KIF13A: variants seen among roughly 807,000 people sequenced by gnomAD.
KIF13A encodes kinesin-like protein KIF13A.
Under a neutral mutation model 212.2 loss-of-function variants are expected in KIF13A, and 79 were observed. The observed-to-expected ratio is 0.37, with a 90% CI of 0.31 to 0.45. The LOEUF is 0.45. Among genes scored for constraint, KIF13A ranks in the 20% least tolerant of loss-of-function variants. The probability of loss-of-function intolerance (pLI) is 1.00; values close to 1 mark genes in which losing one functional copy is unlikely to be tolerated. For missense variants in KIF13A, 1,901 were observed against 2,209.0 expected (o/e 0.86, Z 2.79); for synonymous variants, 789 against 808.6 (o/e 0.98, Z 0.41).
At chr6:17,818,520 C>T (rs2150356407) in intron 16 of KIF13A, among the ~76,000 whole-genome samples, 1 of 152,204 alleles carries the variant, frequency 6.6e-6, no homozygotes. Flanking sequence ...TTTAAAATCA[C>T]AAGAAAAGCT....
Position 17,926,796 on chromosome 6 carries a change from A to G in KIF13A, c.147-28616T>C, listed in dbSNP as rs1775536214. ...TACTATCTGAAAGTAGTTCCTTAAA[A>G]TGTAATCAGAATCCAACAATTCCAC... On this transcript the variant is annotated intron_variant, in intron 2 of 38. Coordinates refer to ENST00000259711, the MANE Select transcript of KIF13A (RefSeq NM_022113.6). This position sits in a 1 kb window ranked among gnomAD's most constrained non-coding sequence, Gnocchi z 4.3. Among the ~76,000 whole-genome samples, 1 of 152,218 alleles carries G rather than the reference A, an allele frequency of 6.6e-6. No homozygotes were observed. The highest frequency in any genetic ancestry group is 2.4e-5 in the African/African-American group (1 of 41,450).
chr6:17,781,915 C>A (rs1760623487), intron 29 of KIF13A, among the ~76,000 whole-genome samples: 1 of 151,822 alleles, frequency 6.6e-6, no homozygotes, highest in African/African-American at 2.4e-5. Context: ...GGCATAAGCT[C>A]ATCGTGCCCC....
At chr6:17,890,183 C>T (rs1771916772) in intron 3 of KIF13A, among the ~76,000 whole-genome samples, 2 of 87,426 alleles carry the variant, frequency 2.3e-5, no homozygotes, top group African/African-American at 4.2e-5. Context: ...AGTGAAACTT[C>T]GTCTCAAAAA....
rs1758712358 is a variant in KIF13A, at chr6:17,763,872, T to C, written c.*238A>G. The C allele has an allele frequency of 1.4e-6, 2 of 1,385,618 alleles. No homozygotes were observed. Among genetic ancestry groups the C allele is most frequent in the African/African-American group, 2.9e-5 (2 of 69,026 alleles). 85.8% of individuals were successfully genotyped at this position (1,385,618 alleles called of 1,614,324 possible). On this transcript the variant is annotated 3_prime_UTR_variant, in exon 39 of 39. Transcript: ENST00000259711. The stretch of plus-strand genomic sequence containing the variant: ...TGAATATGAGATTGATCCTTATCCA[T>C]CTGAACACTTCATTCAACACCAACC...
At chr6:17,845,615 T>C (rs759074982) in intron 9 of KIF13A, among the ~76,000 whole-genome samples, 9 of 152,210 alleles carry the variant, frequency 5.9e-5, no homozygotes, top group Non-Finnish European at 1.3e-4. Context: ...TAGAGAGTGC[T>C]CTATGATCCA....
chr6:17,885,948 A>G (rs1299665614), intron 3 of KIF13A, among the ~76,000 whole-genome samples: 2 of 152,172 alleles, frequency 1.3e-5, no homozygotes, highest in East Asian at 3.8e-4. Context: ...TATCCTGATC[A>G]CTTCTCAAAA....
chr6:17,764,235 G>C lies in KIF13A; in HGVS notation c.5293C>G (p.Pro1765Ala), dbSNP rs374594635. 3 of 1,613,984 alleles carry C rather than the reference G, an allele frequency of 1.9e-6. No individual in the cohort carries two copies. Among genetic ancestry groups the C allele is most frequent in the Non-Finnish European group, 2.5e-6 (3 of 1,179,890 alleles). The stretch of plus-strand genomic sequence containing the variant: ...ACAGTCTTGCCGCCTGTTTTATTTG[G>C]TAGACTCCTCCTACTGGAAAGCTCT... ...AGELSSRRSL[P>A]NKTGGKTVSD... is the part of the protein sequence containing the mutation. Residue 1765 changes from proline to alanine, a missense_variant, in exon 39 of 39, where the codon CCA becomes GCA. Around this residue, in one of 5 missense-constraint regions of KIF13A, gnomAD observed 687 missense variants for 759.1 expected, o/e 0.90. Transcript: ENST00000259711. The surrounding 1 kb of genome is among the most constrained non-coding windows in gnomAD (Gnocchi z 5.1).
At chr6:17,848,131 C>T (rs1767257878) in intron 9 of KIF13A, among the ~76,000 whole-genome samples, 1 of 152,058 alleles carries the variant, frequency 6.6e-6, no homozygotes, top group Non-Finnish European at 1.5e-5. Flanking sequence ...TTTTAGTTGA[C>T]ACACAATTGT....
chr6:17,759,331 G>C (rs1284172837), downstream of KIF13A: 1 of 151,962 alleles, frequency 6.6e-6, no homozygotes, highest in Non-Finnish European at 1.5e-5. Context: ...ACACAATAAA[G>C]TTCAAAGGGG....
Position 17,794,838 on chromosome 6 carries a change from T to C in KIF13A, c.2943-134A>G, listed in dbSNP as rs1293750644. The C allele has an allele frequency of 2.2e-6, 2 of 921,260 alleles. No homozygotes were observed. The highest frequency in any genetic ancestry group is 3.2e-6 in the Non-Finnish European group (2 of 633,302). 57.1% of individuals were successfully genotyped at this position (921,260 alleles called of 1,614,324 possible). A position where few individuals can be genotyped will look rare whatever the true frequency, so the allele number is the denominator to read the frequency against. On this transcript the variant is annotated intron_variant, in intron 23 of 38. Coordinates refer to ENST00000259711, the MANE Select transcript of KIF13A (RefSeq NM_022113.6). This position sits in a 1 kb window ranked among gnomAD's most constrained non-coding sequence, Gnocchi z 4.1. ...CATTTATCTTGTATAAGTTACTTCC[T>C]TATTTAACTCTCAAAACCAACCTGT...
At chr6:17,980,981 C>G (rs949809951) in intron 2 of KIF13A, among the ~76,000 whole-genome samples, 1 of 149,308 alleles carries the variant, frequency 6.7e-6, no homozygotes, top group African/African-American at 2.4e-5. Flanking sequence ...GAATTAAAAC[C>G]ACTAAAAGTG....
At chr6:17,938,734 T>G (rs538376344) in intron 2 of KIF13A, among the ~76,000 whole-genome samples, 1 of 152,156 alleles carries the variant, frequency 6.6e-6, no homozygotes, top group Non-Finnish European at 1.5e-5. Context: ...ATCTCTTTCC[T>G]CCATTTTCTT....
intron 3 of KIF13A, among the ~76,000 whole-genome samples, chr6:17,885,314 T>C (rs1253559245): frequency 6.6e-6 from 1 of 152,218 alleles, no homozygotes; most frequent in Non-Finnish European, 1.5e-5. Flanking sequence ...TCACCCTTAT[T>C]ACTGGTGAGT....
rs916624107 is a variant in KIF13A, at chr6:17,898,043, G to A, written c.159+125C>T. The A allele has an allele frequency of 3.0e-4, 254 of 833,714 alleles. No homozygotes were observed. Among genetic ancestry groups the A allele is most frequent in the Non-Finnish European group, 4.0e-4 (212 of 529,226 alleles). 51.6% of individuals were successfully genotyped at this position (833,714 alleles called of 1,614,324 possible). On this transcript the variant is annotated intron_variant, in intron 3 of 38. Transcript: ENST00000259711. This position sits in a 1 kb window ranked among gnomAD's most constrained non-coding sequence, Gnocchi z 5.2. The stretch of plus-strand genomic sequence containing the variant: ...CTGATATTAATTGTTCATGATGTGA[G>A]TTTTAAATTAGGATGCTGTTTTCAG...
intron 16 of KIF13A, among the ~76,000 whole-genome samples, chr6:17,819,638 T>C (rs897420735): frequency 1.2e-4 from 18 of 152,158 alleles, no homozygotes; most frequent in African/African-American, 3.6e-4. Flanking sequence ...TATGCAAACA[T>C]AGATCCTGGG....
rs930638641 is a variant in KIF13A at position 17,982,828 on chromosome 6, C to T, written c.146+4226G>A. Among the ~76,000 whole-genome samples, 13 of 152,174 alleles carry T rather than the reference C, an allele frequency of 8.5e-5. No homozygotes were observed. The highest frequency in any genetic ancestry group is 2.9e-4 in the African/African-American group (12 of 41,432). ...TTTTAAAAACCACCACTACCATTCA[C>T]ACTGAATGTAAAAAAGAATGAGTAA... On this transcript the variant is annotated intron_variant, in intron 2 of 38. Transcript: ENST00000259711. The surrounding 1 kb of genome is among the most constrained non-coding windows in gnomAD (Gnocchi z 5.1).
rs1295344395 is a variant in KIF13A, at chr6:17,785,630, CCT to C, written c.3371_3372del (p.Glu1124GlyfsTer18). The C allele has an allele frequency of 3.1e-6, 5 of 1,604,724 alleles. No homozygotes were observed. The highest frequency in any genetic ancestry group is 8.5e-7 in the Non-Finnish European group (1 of 1,175,828). ...KKVSNKTEKT[E>X]DDVEREAQLV... ...AGCTGGGCTTCCCGCTCCACATCGTCCTCTGTTTTCTCTGCAGAAAAAAATGA... is the reference window on the plus strand; with the variant it reads ...AGCTGGGCTTCCCGCTCCACATCGTCCTGTTTTCTCTGCAGAAAAAAATGA... On this transcript the variant is annotated frameshift_variant, in exon 28 of 39. Transcript: ENST00000259711. LOFTEE classifies it high-confidence loss of function. The surrounding 1 kb of genome is among the most constrained non-coding windows in gnomAD (Gnocchi z 5.8).
Position 17,773,492 on chromosome 6 carries a change from C to A in KIF13A, c.4310G>T (p.Arg1437Leu), listed in dbSNP as rs78281954. Residue 1437 changes from arginine to leucine, a missense_variant, in exon 36 of 39, where the codon CGA (arginine) becomes CTA (leucine). Arg to Leu is a moderately radical substitution (Grantham distance 102). Around this residue, in one of 5 missense-constraint regions of KIF13A, gnomAD observed 687 missense variants for 759.1 expected, o/e 0.90. Coordinates refer to ENST00000259711, the MANE Select transcript of KIF13A (RefSeq NM_022113.6). The surrounding 1 kb of genome is among the most constrained non-coding windows in gnomAD (Gnocchi z 4.2). Reference sequence around the variant, plus strand: ...CTCACCACTACCTTCTTTATTCCTTCGAGGAGAATCCCTGGGTAAAGTTCC... The same window carrying A: ...CTCACCACTACCTTCTTTATTCCTTAGAGGAGAATCCCTGGGTAAAGTTCC... ...CYGTLPRDSP[R>L]RNKEGCTSET... 6.3e-7 allele frequency: 1 copy of A among 1,591,752 alleles called. No homozygotes were observed. The highest frequency in any genetic ancestry group is 2.2e-5 in the East Asian group (1 of 44,734).
Position 17,825,315 on chromosome 6 carries a change from CTT to C in KIF13A, c.1786+451_1786+452del, listed in dbSNP as rs1193223757. Among the ~76,000 whole-genome samples, 23 of 152,238 alleles carry C rather than the reference CTT, an allele frequency of 1.5e-4. No individual in the cohort carries two copies. The East Asian group carries it at 4.3e-3, about 28-fold the overall frequency. On this transcript the variant is annotated intron_variant, in intron 16 of 38. Transcript: ENST00000259711. This position sits in a 1 kb window ranked among gnomAD's most constrained non-coding sequence, Gnocchi z 4.5. Reference sequence around the variant, plus strand: ...TGATCTGGGCTTATTAAATAAATATCTTTGGGGTAAAATTTCCAATTGAGTTT... The same window carrying C: ...TGATCTGGGCTTATTAAATAAATATCTGGGGTAAAATTTCCAATTGAGTTT...
Sources: gnomAD v4.1 joint callset for allele counts (sites outside exome capture counted in the v4.1 genomes callset) on GRCh38, gnomAD v4.1.1 for gene constraint, gnomAD v4.1.1 regional missense constraint, Gnocchi (gnomAD v3.1) non-coding constraint, MANE v1.5 for transcripts, NCBI Gene and HGNC (gene_info 2026-07-23, HGNC 2026-07-21) for gene names.